The following ZNF469 variants were observed in gnomAD, a reference collection of about 807,000 sequenced individuals.
ZNF469 encodes the protein zinc finger protein 469.
In ZNF469, 1 loss-of-function variant was observed where a neutral mutation model predicts 1.0. That is an observed-to-expected ratio of 1.00 (90% CI 0.35 to 4.73). The LOEUF is 4.73. ZNF469 is among the 30% of genes most tolerant of loss of function. ZNF469 has a pLI of 0.16. For synonymous variants in ZNF469, 2,703 were observed against 2,363.4 expected, an observed-to-expected ratio of 1.14 and a Z score of -4.17; for missense variants, 6,100 against 5,356.3, an observed-to-expected ratio of 1.14 and a Z score of -4.33.
chr16:88,185,567 G>C, the ZNF469 span, among the ~76,000 whole-genome samples: 3 of 151,574 alleles, frequency 2.0e-5, no homozygotes, highest in African/African-American at 7.3e-5. Flanking sequence ...ACACACACGT[G>C]AATATAGTAC....
At position 88,427,411 on chromosome 16, in the gene ZNF469, C is replaced by G; in HGVS notation, c.-60C>G. ...TCGAGGGCTGAGGATGGCCGTCCAG[C>G]CCACTCCCCAGGGCCCCCCTCGGAC... is the stretch of plus-strand genomic sequence containing the variant. On this transcript the variant is annotated 5_prime_UTR_variant, in exon 3 of 3. Transcript: ENST00000565624. 1 of 1,431,120 alleles carries G rather than the reference C, an allele frequency of 7.0e-7. No individual in the cohort carries two copies. The highest frequency in any genetic ancestry group is 1.5e-5 in the South Asian group (1 of 67,966). The allele number at this position is 1,431,120 out of a possible 1,614,324, so 88.7% of individuals were successfully genotyped here.
At chr16:88,359,379 T>C in the ZNF469 span, among the ~76,000 whole-genome samples, 2 of 151,868 alleles carry the variant, frequency 1.3e-5, no homozygotes, top group Admixed American at 1.3e-4. Flanking sequence ...ACGCATTTGC[T>C]ATTGTCTGCT....
the ZNF469 span, among the ~76,000 whole-genome samples, chr16:88,345,627 C>T: frequency 3.9e-5 from 6 of 152,120 alleles, no homozygotes; most frequent in Admixed American, 3.9e-4. Context: ...CCCGTGGGGT[C>T]GCCACGGGGT....
the ZNF469 span, among the ~76,000 whole-genome samples, chr16:88,168,145 T>G: frequency 1.3e-5 from 2 of 152,240 alleles, no homozygotes; most frequent in Admixed American, 1.3e-4. The surrounding 1 kb of genome is among the most constrained non-coding windows in gnomAD (Gnocchi z 4.3). Context: ...TTTCAAATCT[T>G]TTTTATAAGC....
the ZNF469 span, among the ~76,000 whole-genome samples, chr16:88,304,208 C>T: frequency 6.6e-6 from 1 of 152,162 alleles, no homozygotes; most frequent in Non-Finnish European, 1.5e-5. Context: ...GGATTCACAG[C>T]CCTTTATCTT....
the ZNF469 span, among the ~76,000 whole-genome samples, chr16:88,179,866 T>G: frequency 1.3e-5 from 2 of 152,158 alleles, no homozygotes; most frequent in Non-Finnish European, 2.9e-5. Flanking sequence ...CAGTACCAAG[T>G]ATGGGAGGGA....
At chr16:88,336,155 CACTA>C in the ZNF469 span, among the ~76,000 whole-genome samples, 1 of 151,174 alleles carries the variant, frequency 6.6e-6, no homozygotes, top group East Asian at 2.0e-4. Flanking sequence ...TCACGTGAGA[CACTA>C]ACATGCCAAC....
At chr16:88,363,507 G>T in the ZNF469 span, among the ~76,000 whole-genome samples, 1 of 152,238 alleles carries the variant, frequency 6.6e-6, no homozygotes, top group East Asian at 1.9e-4. Context: ...CCCCATGCAT[G>T]TGTGGCTTGG....
chr16:88,203,510 G>T, the ZNF469 span, among the ~76,000 whole-genome samples: 5 of 152,182 alleles, frequency 3.3e-5, no homozygotes, highest in African/African-American at 1.2e-4. Flanking sequence ...GGGACGGGGC[G>T]GGGGTGGAGG....
chr16:88,329,066 C>T, the ZNF469 span, among the ~76,000 whole-genome samples: 3 of 152,192 alleles, frequency 2.0e-5, no homozygotes, highest in Non-Finnish European at 2.9e-5. Context: ...TATAAAAGTG[C>T]AAGTTCCTGT....
At chr16:88,399,282 C>T (rs981297076) in intron 1 of ZNF469, among the ~76,000 whole-genome samples, 4 of 152,260 alleles carry the variant, frequency 2.6e-5, no homozygotes, top group African/African-American at 9.6e-5. Context: ...TGACATCTGC[C>T]GCATCCCAAT....
chr16:88,330,962 C>T, the ZNF469 span, among the ~76,000 whole-genome samples: 1 of 152,212 alleles, frequency 6.6e-6, no homozygotes, highest in South Asian at 2.1e-4. Context: ...TCATCATTGT[C>T]ATAGTCATCA....
At chr16:88,158,131 AG>A in the ZNF469 span, among the ~76,000 whole-genome samples, 1 of 151,422 alleles carries the variant, frequency 6.6e-6, no homozygotes, top group Non-Finnish European at 1.5e-5. Context: ...GGGTCCAGGG[AG>A]GGACCTGAGA....
chr16:88,282,236 G>A, the ZNF469 span, among the ~76,000 whole-genome samples: 2 of 152,320 alleles, frequency 1.3e-5, no homozygotes, highest in African/African-American at 4.8e-5. Flanking sequence ...AGAGGGCAGT[G>A]CTGGCTCCAC....
chr16:88,289,320 G>A, the ZNF469 span, among the ~76,000 whole-genome samples: 3 of 151,342 alleles, frequency 2.0e-5, no homozygotes, highest in Non-Finnish European at 2.9e-5. Flanking sequence ...TGGTGATGGC[G>A]ATGATGATGA....
At chr16:88,169,519 G>A in the ZNF469 span, among the ~76,000 whole-genome samples, 4 of 152,156 alleles carry the variant, frequency 2.6e-5, no homozygotes, top group Non-Finnish European at 5.9e-5. This position sits in a 1 kb window ranked among gnomAD's most constrained non-coding sequence, Gnocchi z 6.1. Flanking sequence ...TGCGTTTGGC[G>A]ATCCAGGTTG....
chr16:88,162,363 CA>C, the ZNF469 span, among the ~76,000 whole-genome samples: 89,973 of 123,960 alleles, frequency 0.73, 31,454 homozygotes, highest in Non-Finnish European at 0.75. Context: ...AGACATTCTT[CA>C]AAAAAAAAAA....
the ZNF469 span, among the ~76,000 whole-genome samples, chr16:88,238,381 G>A: frequency 2.0e-5 from 3 of 152,214 alleles, no homozygotes; most frequent in Non-Finnish European, 4.4e-5. Flanking sequence ...GCAGGAGGAA[G>A]GGATGTCCCA....
the ZNF469 span, among the ~76,000 whole-genome samples, chr16:88,153,527 G>T: frequency 7.9e-5 from 12 of 152,230 alleles, no homozygotes; most frequent in African/African-American, 2.7e-4. Context: ...CCCGTCACAG[G>T]GTGAGGTTGA....
Sources: allele counts gnomAD v4.1 joint callset (sites outside exome capture counted in the v4.1 genomes callset), GRCh38; gene constraint gnomAD v4.1.1; non-coding constraint Gnocchi (gnomAD v3.1); transcripts MANE v1.5; gene names NCBI Gene and HGNC (gene_info 2026-07-23, HGNC 2026-07-21).